DMBT1: variants seen among roughly 807,000 people sequenced by gnomAD.
DMBT1 encodes deleted in malignant brain tumors 1.
A neutral mutation model predicts 252.9 loss-of-function variants in DMBT1; 198 were observed. That is an observed-to-expected ratio of 0.78 (90% CI 0.70 to 0.88). DMBT1 has a LOEUF of 0.88. DMBT1 is among the 40% of genes least tolerant of loss of function. The probability of loss-of-function intolerance (pLI) is 0.00; values close to 1 mark genes in which losing one functional copy is unlikely to be tolerated. For missense variants in DMBT1, 2,432 were observed against 2,404.7 expected (o/e 1.01, Z -0.24); for synonymous variants, 990 against 942.7 (o/e 1.05, Z -0.92).
intron 5 of DMBT1, among the ~76,000 whole-genome samples, chr10:122,573,217 C>A (rs1428309392): frequency 6.6e-6 from 1 of 152,236 alleles, no homozygotes; most frequent in Non-Finnish European, 1.5e-5. Context: ...CCAAGTGGGA[C>A]TGGGCTCCCC....
intron 1 of DMBT1, among the ~76,000 whole-genome samples, chr10:122,564,830 T>C (rs950312447): frequency 1.3e-5 from 2 of 152,210 alleles, no homozygotes; most frequent in African/African-American, 4.8e-5. Context: ...ATTTCTGTTG[T>C]ACAATCAATT....
rs1415415355 is a variant in DMBT1 at position 122,591,030 on chromosome 10, A to G, written c.2137+336A>G. Reference sequence around the variant, plus strand: ...ACACCCCCAGATGCGGCAGGGCCCCATCTACCTCCAGACAGGCAGAGGCTG... The same window carrying G: ...ACACCCCCAGATGCGGCAGGGCCCCGTCTACCTCCAGACAGGCAGAGGCTG... On this transcript the variant is annotated intron_variant, in intron 18 of 55. Transcript: ENST00000338354. Among the ~76,000 whole-genome samples, 2 of 148,554 alleles carry G rather than the reference A, an allele frequency of 1.3e-5. 1 individual carries two copies. Among genetic ancestry groups the G allele is most frequent in the Non-Finnish European group, 3.0e-5 (2 of 66,746 alleles).
At chr10:122,585,386 G>A in intron 15 of DMBT1, 77 bp downstream of exon 15, 3 of 1,514,762 alleles carry the variant, frequency 2.0e-6, no homozygotes, top group Non-Finnish European at 1.8e-6. Flanking sequence ...ATGATAGGAT[G>A]AGGGTCAAGG....
Position 122,630,854 on chromosome 10 carries a change from G to A in DMBT1, c.6026-107G>A, listed in dbSNP as rs929824171. ...CAGCTTTTCCACATTTCTATTTGGC[G>A]ACTTTAGAGGTGGGAAAAGGCCTGT... On this transcript the variant is annotated intron_variant, in intron 48 of 55. Coordinates refer to ENST00000338354, the MANE Select transcript of DMBT1 (RefSeq NM_001377530.1). 1.4e-5 allele frequency: 18 copies of A among 1,256,614 alleles called. No individual in the cohort carries two copies. The Admixed American group carries it at 2.3e-4, about 16-fold the overall frequency. The allele number at this position is 1,256,614 out of a possible 1,614,324, so 77.8% of individuals were successfully genotyped here. A position where few individuals can be genotyped will look rare whatever the true frequency, so the allele number is the denominator to read the frequency against.
At chr10:122,641,722 G>A (rs1379943182) in intron 55 of DMBT1, among the ~76,000 whole-genome samples, 2 of 152,116 alleles carry the variant, frequency 1.3e-5, no homozygotes, top group African/African-American at 4.8e-5. Context: ...ATTCTTTCTG[G>A]TCAAATCCTG....
intron 54 of DMBT1, 88 bp from the exon 55 acceptor site, chr10:122,639,952 G>A (rs1844227846): frequency 2.0e-6 from 3 of 1,471,594 alleles, no homozygotes; most frequent in East Asian, 2.3e-5. Flanking sequence ...GTTGAGTCAC[G>A]TCCCTCTCAT....
rs754402736 is a variant in DMBT1, at chr10:122,640,284, A to G, written c.7187A>G (p.Tyr2396Cys). ...ISFYTSSSFLYPVTSRPYYVD... is the reference protein window; with the variant it reads ...ISFYTSSSFLCPVTSRPYYVD... ...TTTTATACTTCCTCATCTTTCTTGT[A>G]TCCTGTGACCAGCCGCCCTTACTAC... The change falls in exon 55 of 56, where the codon TAT becomes TGT. Residue 2396 changes from tyrosine to cysteine, a missense_variant. By Grantham distance (194) the Tyr-to-Cys change is radical (BLOSUM62 -2). Around this residue, in one of 3 missense-constraint regions of DMBT1, gnomAD observed 1,162 missense variants for 1,169.0 expected, o/e 0.99. Transcript: ENST00000338354. The G allele has an allele frequency of 5.0e-6, 8 of 1,613,866 alleles. No individual in the cohort carries two copies. The East Asian group carries it at 1.1e-4, about 22-fold the overall frequency.
At chr10:122,561,942 A>G (rs1165487577) in intron 1 of DMBT1, among the ~76,000 whole-genome samples, 3 of 146,408 alleles carry the variant, frequency 2.0e-5, no homozygotes, top group Non-Finnish European at 3.0e-5. Flanking sequence ...TTGGGCAACT[A>G]TTATCACCTT....
chr10:122,638,767 T>C (rs1449525703), intron 54 of DMBT1, among the ~76,000 whole-genome samples: 2 of 152,230 alleles, frequency 1.3e-5, no homozygotes, highest in Non-Finnish European at 2.9e-5. Flanking sequence ...TAAATAACCA[T>C]ATTGCCTATC....
At chr10:122,623,693 A>G (rs972535742) in intron 44 of DMBT1, among the ~76,000 whole-genome samples, 1 of 152,184 alleles carries the variant, frequency 6.6e-6, no homozygotes, top group East Asian at 1.9e-4. Flanking sequence ...GGCCCTTTGT[A>G]TATATTCTTG....
At chr10:122,591,583 A>C in intron 19 of DMBT1, 66 bp downstream of exon 19, 1 of 1,489,992 alleles carries the variant, frequency 6.7e-7, no homozygotes, top group Non-Finnish European at 9.2e-7. Context: ...TTTCTCTGAA[A>C]ATGATAGGAT....
chr10:122,642,700 C>T lies in DMBT1; in HGVS notation c.7353-422C>T, dbSNP rs75092075. Among the ~76,000 whole-genome samples, 13 of 152,204 alleles carry T rather than the reference C, an allele frequency of 8.5e-5. No individual in the cohort carries two copies. In the East Asian group the frequency reaches 2.3e-3, roughly 27 times the overall value. On this transcript the variant is annotated intron_variant, in intron 55 of 55. Coordinates refer to ENST00000338354, the MANE Select transcript of DMBT1 (RefSeq NM_001377530.1). ...TGCAGCCGAATGAGACCTTGCCTGG[C>T]CCTGACACCAGGTGAGAGAAGGGAA...
intron 41 of DMBT1, 39 bp downstream of exon 41, chr10:122,618,379 A>C: frequency 6.2e-7 from 1 of 1,613,438 alleles, no homozygotes. Context: ...TCTTAAGTTG[A>C]AGTTTGCTCA....
intron 52 of DMBT1, among the ~76,000 whole-genome samples, chr10:122,635,152 A>G (rs1353309457): frequency 3.3e-5 from 5 of 152,192 alleles, no homozygotes; most frequent in Non-Finnish European, 5.9e-5. Context: ...GACATTTTAC[A>G]AAGCCCTTTT....
chr10:122,570,018 G>A (rs914636401), intron 2 of DMBT1, 144 bp from the exon 3 acceptor site: 10 of 790,636 alleles, frequency 1.3e-5, no homozygotes, highest in East Asian at 5.0e-5. Context: ...GTGATGGAGC[G>A]ATTGGCACAT....
intron 3 of DMBT1, 30 bp downstream of exon 3, chr10:122,570,239 G>T: frequency 6.6e-7 from 1 of 1,507,704 alleles, no homozygotes; most frequent in Non-Finnish European, 9.2e-7. Context: ...AACCCTGTGG[G>T]CTCATTACCC....
At chr10:122,591,407 C>A in intron 18 of DMBT1, 72 bp from the exon 19 acceptor site, 2 of 1,465,206 alleles carry the variant, frequency 1.4e-6, no homozygotes, top group Non-Finnish European at 1.9e-6. Flanking sequence ...TTGCCTTGTC[C>A]AGAGACCTTT....
In DMBT1 at chr10:122,621,326, G is replaced by C. The variant is rs1301020865; in HGVS notation, c.5554G>C (p.Gly1852Arg). The stretch of plus-strand genomic sequence containing the variant: ...CTACCTGTGGAGCTGCCCCCACAAA[G>C]GCTGGCTCACCCACAACTGTGGCCA... Reference protein sequence around the residue: ...ESYLWSCPHKGWLTHNCGHHE... With the variant: ...ESYLWSCPHKRWLTHNCGHHE... The change falls in exon 44 of 56, where the codon GGC (glycine) becomes CGC (arginine). Residue 1852 changes from glycine (G) to arginine (R), a missense_variant. Coordinates refer to ENST00000338354, the MANE Select transcript of DMBT1 (RefSeq NM_001377530.1). 1.9e-6 allele frequency: 3 copies of C among 1,613,704 alleles called. No individual in the cohort carries two copies. Among genetic ancestry groups the C allele is most frequent in the Non-Finnish European group, 1.7e-6 (2 of 1,179,756 alleles).
chr10:122,578,654 G>A (rs370714942), intron 8 of DMBT1, 64 bp from the exon 9 acceptor site: 48 of 1,419,846 alleles, frequency 3.4e-5, no homozygotes, highest in Admixed American at 7.7e-5. Flanking sequence ...CCAGAGAACC[G>A]CTTGTTTTTT....
Sources: gnomAD v4.1 joint callset for allele counts (sites outside exome capture counted in the v4.1 genomes callset) on GRCh38, gnomAD v4.1.1 for gene constraint, gnomAD v4.1.1 regional missense constraint, MANE v1.5 for transcripts, NCBI Gene and HGNC (gene_info 2026-07-23, HGNC 2026-07-21) for gene names.